The following LPAR1 variants were observed in gnomAD, a reference collection of about 807,000 sequenced individuals.
LPAR1 encodes the protein lysophosphatidic acid receptor 1.
A neutral mutation model predicts 23.8 loss-of-function variants in LPAR1; 5 were observed. The observed-to-expected ratio is 0.21, with a 90% CI of 0.11 to 0.44. The LOEUF is 0.44. Among genes scored for constraint, LPAR1 ranks in the 20% least tolerant of loss-of-function variants. The pLI, the probability that LPAR1 is intolerant of heterozygous loss-of-function variation, is 0.99. For synonymous variants in LPAR1, 160 were observed against 164.7 expected, an observed-to-expected ratio of 0.97 and a Z score of 0.22; for missense variants, 311 against 482.8, an observed-to-expected ratio of 0.64 and a Z score of 3.33.
intron 5 of LPAR1, among the ~76,000 whole-genome samples, chr9:110,936,479 C>CA (rs2094715316): frequency 6.6e-6 from 1 of 152,166 alleles, no homozygotes; most frequent in African/African-American, 2.4e-5. Flanking sequence ...CTGCCACTTA[C>CA]AAAAAGAATG....
chr9:110,990,525 C>A (rs141084406), intron 2 of LPAR1, among the ~76,000 whole-genome samples: 85 of 152,092 alleles, frequency 5.6e-4, no homozygotes, highest in African/African-American at 2.0e-3. Context: ...ATTAAAAAAT[C>A]TTTTGAATTG....
At chr9:110,916,902 TA>T (rs1441677877) in intron 5 of LPAR1, among the ~76,000 whole-genome samples, 1 of 150,162 alleles carries the variant, frequency 6.7e-6, no homozygotes, top group Non-Finnish European at 1.5e-5. Context: ...TAGGCCAAAA[TA>T]AAGTCTTTTT....
chr9:111,022,470 G>T (rs1293829789), intron 2 of LPAR1, among the ~76,000 whole-genome samples: 4 of 151,810 alleles, frequency 2.6e-5, no homozygotes, highest in African/African-American at 7.3e-5. Context: ...AGGGTGGGGG[G>T]AATGAACACT....
At chr9:111,009,373 T>A (rs1203488449) in intron 2 of LPAR1, among the ~76,000 whole-genome samples, 1 of 148,586 alleles carries the variant, frequency 6.7e-6, no homozygotes, top group Non-Finnish European at 1.5e-5. Flanking sequence ...GAATGAGATT[T>A]AAAAAAAAAA....
At chr9:110,886,151 T>G (rs1448519642) in intron 5 of LPAR1, among the ~76,000 whole-genome samples, 1 of 148,144 alleles carries the variant, frequency 6.8e-6, no homozygotes, top group African/African-American at 2.5e-5. Flanking sequence ...TGAGCCAAGA[T>G]TGCACCATTG....
At chr9:110,894,973 G>A (rs2085816670) in intron 5 of LPAR1, among the ~76,000 whole-genome samples, 1 of 152,058 alleles carries the variant, frequency 6.6e-6, no homozygotes, top group South Asian at 2.1e-4. Flanking sequence ...AGTTATGATT[G>A]CACCACCGCA....
intron 2 of LPAR1, among the ~76,000 whole-genome samples, chr9:111,014,347 C>G (rs1395262565): frequency 6.6e-6 from 1 of 152,154 alleles, no homozygotes; most frequent in Non-Finnish European, 1.5e-5. Context: ...CTCGGCGCCT[C>G]TTCCAAGCCT....
rs3780527 is a variant in LPAR1 at position 110,905,145 on chromosome 9, T to C, written c.794-29423A>G. Among the ~76,000 whole-genome samples the C allele has an allele frequency of 0.041, 6,229 of 152,224 alleles. 950 individuals are homozygous for C. In the East Asian group the frequency reaches 0.57, roughly 14 times the overall value. On this transcript the variant is annotated intron_variant, in intron 5 of 5. Transcript: ENST00000683809. ...CAAATCCTTGGAACTAAAGGAACTATATGAAAATTGGCTGATGCCAATCAT... is the reference window on the plus strand; with the variant it reads ...CAAATCCTTGGAACTAAAGGAACTACATGAAAATTGGCTGATGCCAATCAT...
intron 5 of LPAR1, among the ~76,000 whole-genome samples, chr9:110,878,608 A>T (rs1004993853): frequency 1.3e-5 from 2 of 152,272 alleles, no homozygotes; most frequent in African/African-American, 4.8e-5. Context: ...ATAAGAGTTA[A>T]AACACCTCCA....
chr9:111,031,580 C>T (rs1019697229), intron 2 of LPAR1, among the ~76,000 whole-genome samples: 15 of 152,156 alleles, frequency 9.9e-5, no homozygotes, highest in African/African-American at 2.6e-4. Context: ...CACTGCACTC[C>T]AAGACCCTAT....
intron 5 of LPAR1, among the ~76,000 whole-genome samples, chr9:110,880,720 T>A (rs992343564): frequency 6.6e-6 from 1 of 152,142 alleles, no homozygotes; most frequent in South Asian, 2.1e-4. Context: ...AACAGTCCCA[T>A]CTCAGAGACC....
chr9:111,002,739 G>C (rs780818797), intron 2 of LPAR1, among the ~76,000 whole-genome samples: 25 of 152,108 alleles, frequency 1.6e-4, no homozygotes, highest in Non-Finnish European at 2.5e-4. Context: ...AAGGCTAATG[G>C]AACAAAGCAA....
intron 2 of LPAR1, among the ~76,000 whole-genome samples, chr9:111,008,155 T>C (rs537232480): frequency 2.9e-4 from 44 of 149,216 alleles, no homozygotes; most frequent in Non-Finnish European, 5.6e-4. Context: ...ACCTGGGCAA[T>C]AGAACAAGAC....
intron 2 of LPAR1, among the ~76,000 whole-genome samples, chr9:111,012,371 G>T (rs1370984494): frequency 6.6e-6 from 1 of 152,130 alleles, no homozygotes; most frequent in Non-Finnish European, 1.5e-5. Context: ...TGGCATTTCT[G>T]ATGACAGTAA....
intron 5 of LPAR1, among the ~76,000 whole-genome samples, chr9:110,915,765 A>C (rs2093020075): frequency 6.6e-6 from 1 of 152,170 alleles, no homozygotes; most frequent in Non-Finnish European, 1.5e-5. Context: ...GAATGGTTTA[A>C]ATTCCTTAGA....
intron 5 of LPAR1, among the ~76,000 whole-genome samples, chr9:110,898,960 A>T (rs1487329867): frequency 1.3e-5 from 2 of 152,260 alleles, no homozygotes; most frequent in African/African-American, 4.8e-5. Context: ...CATATAAAGT[A>T]ACAGATTTTG....
chr9:111,014,816 G>A (rs2097407197), intron 2 of LPAR1, among the ~76,000 whole-genome samples: 1 of 151,896 alleles, frequency 6.6e-6, no homozygotes, highest in African/African-American at 2.4e-5. Flanking sequence ...ACTCCATAGG[G>A]TTTGCAAATT....
chr9:111,032,027 C>T (rs1181815471), intron 2 of LPAR1, among the ~76,000 whole-genome samples: 2 of 152,196 alleles, frequency 1.3e-5, no homozygotes, highest in East Asian at 3.8e-4. Context: ...GGTCTGTCCA[C>T]ATCTTGTTTC....
intron 1 of LPAR1, among the ~76,000 whole-genome samples, chr9:111,037,670 G>A (rs1034829023): frequency 6.6e-5 from 10 of 152,218 alleles, no homozygotes; most frequent in African/African-American, 2.4e-4. Context: ...AGTGGGAAGC[G>A]AGAGGTGCGG....
Sources: allele counts gnomAD v4.1 joint callset (sites outside exome capture counted in the v4.1 genomes callset), GRCh38; gene constraint gnomAD v4.1.1; transcripts MANE v1.5; gene names NCBI Gene and HGNC (gene_info 2026-07-23, HGNC 2026-07-21).